SLC25A21: variants seen among roughly 807,000 people sequenced by gnomAD.
The protein encoded by SLC25A21 is mitochondrial 2-oxodicarboxylate carrier.
SLC25A21 carries 47 observed loss-of-function variants against 43.8 expected under a neutral mutation model. That is an observed-to-expected ratio of 1.07 (90% CI 0.85 to 1.37). The LOEUF is 1.37. Ranked by LOEUF, SLC25A21 falls within the 40% of genes most tolerant of loss-of-function variation. The pLI, the probability that SLC25A21 is intolerant of heterozygous loss-of-function variation, is 0.00. For missense variants in SLC25A21, 352 were observed against 350.2 expected, an observed-to-expected ratio of 1.00 and a Z score of -0.04; for synonymous variants, 131 against 121.3, an observed-to-expected ratio of 1.08 and a Z score of -0.52.
At chr14:36,768,398 T>A (rs1194252763) in intron 3 of SLC25A21, among the ~76,000 whole-genome samples, 3 of 152,162 alleles carry the variant, frequency 2.0e-5, no homozygotes, top group Non-Finnish European at 2.9e-5. Context: ...TTGAGTTTGA[T>A]TACCAATTTT....
chr14:36,976,572 C>G (rs1488777567), intron 1 of SLC25A21, among the ~76,000 whole-genome samples: 2 of 152,106 alleles, frequency 1.3e-5, no homozygotes, highest in African/African-American at 4.8e-5. Flanking sequence ...TGCAAAGTGC[C>G]TGTGCAACGT....
chr14:36,828,142 G>C (rs1448988000), intron 2 of SLC25A21, among the ~76,000 whole-genome samples: 2 of 151,148 alleles, frequency 1.3e-5, no homozygotes, highest in Admixed American at 1.3e-4. Flanking sequence ...TTCTGGAACT[G>C]GGACTGAGGC....
At chr14:36,770,567 T>C (rs1008332606) in intron 3 of SLC25A21, among the ~76,000 whole-genome samples, 17 of 152,172 alleles carry the variant, frequency 1.1e-4, no homozygotes, top group Admixed American at 5.9e-4. Flanking sequence ...CCTGCTTGGT[T>C]TACATCTATT....
chr14:36,725,730 G>T, intron 5 of SLC25A21, 53 bp from the exon 6 acceptor site: 2 of 1,181,914 alleles, frequency 1.7e-6, no homozygotes, highest in South Asian at 1.8e-5. Context: ...TGTGTATGGG[G>T]TTAAACATCC....
At chr14:37,033,697 A>G (rs1302685780) in intron 1 of SLC25A21, among the ~76,000 whole-genome samples, 1 of 152,224 alleles carries the variant, frequency 6.6e-6, no homozygotes, top group African/African-American at 2.4e-5. Context: ...ATTGATGGAT[A>G]TGAATATATT....
At chr14:36,883,025 A>T (rs1890783138) in intron 1 of SLC25A21, among the ~76,000 whole-genome samples, 1 of 152,034 alleles carries the variant, frequency 6.6e-6, no homozygotes, top group Admixed American at 6.6e-5. Flanking sequence ...CAGCAGATCA[A>T]TGGTAGCAGG....
At chr14:37,023,074 G>A (rs1301075922) in intron 1 of SLC25A21, among the ~76,000 whole-genome samples, 1 of 151,930 alleles carries the variant, frequency 6.6e-6, no homozygotes, top group Non-Finnish European at 1.5e-5. Context: ...TGATTTCTGT[G>A]ATTACCAACA....
At chr14:37,016,456 T>C (rs1270407987) in intron 1 of SLC25A21, among the ~76,000 whole-genome samples, 4 of 152,152 alleles carry the variant, frequency 2.6e-5, no homozygotes, top group African/African-American at 9.7e-5. Context: ...CCTTGTAGCA[T>C]AGTTTGAAGT....
intron 1 of SLC25A21, among the ~76,000 whole-genome samples, chr14:36,917,762 T>A (rs888595909): frequency 4.6e-5 from 7 of 152,080 alleles, no homozygotes; most frequent in African/African-American, 1.7e-4. Context: ...GAAATGATAA[T>A]GCAAATCATA....
chr14:36,794,790 T>G (rs1019803319), intron 3 of SLC25A21, among the ~76,000 whole-genome samples: 1 of 150,968 alleles, frequency 6.6e-6, no homozygotes, highest in African/African-American at 2.4e-5. Flanking sequence ...AAAATCCTAG[T>G]AAATAAGACT....
intron 2 of SLC25A21, among the ~76,000 whole-genome samples, chr14:36,830,604 A>C (rs757947770): frequency 6.6e-6 from 1 of 152,204 alleles, no homozygotes; most frequent in Non-Finnish European, 1.5e-5. Context: ...AAGTGGAAGA[A>C]AATATCTATT....
At chr14:36,778,587 G>C (rs997254348) in intron 3 of SLC25A21, among the ~76,000 whole-genome samples, 1 of 152,166 alleles carries the variant, frequency 6.6e-6, no homozygotes, top group African/African-American at 2.4e-5. Context: ...AGATGGCCTT[G>C]TCATTACCCC....
At chr14:36,736,060 C>G (rs190553762) in intron 3 of SLC25A21, among the ~76,000 whole-genome samples, 13 of 151,148 alleles carry the variant, frequency 8.6e-5, no homozygotes, top group Non-Finnish European at 1.3e-4. Context: ...CTCAGCCTCC[C>G]GAGTAGCTGG....
At chr14:37,084,658 C>T (rs1405432169) in intron 1 of SLC25A21, among the ~76,000 whole-genome samples, 1 of 152,184 alleles carries the variant, frequency 6.6e-6, no homozygotes, top group Non-Finnish European at 1.5e-5. Flanking sequence ...CCAACAGACA[C>T]AGTCATAAAT....
intron 1 of SLC25A21, among the ~76,000 whole-genome samples, chr14:37,014,643 G>A (rs1960806262): frequency 6.6e-6 from 1 of 152,004 alleles, no homozygotes; most frequent in Non-Finnish European, 1.5e-5. Flanking sequence ...GCTCTTAATG[G>A]CATTCAGAAT....
At chr14:37,032,664 C>T in intron 1 of SLC25A21, among the ~76,000 whole-genome samples, 1 of 46,740 alleles carries the variant, frequency 2.1e-5, no homozygotes, top group Non-Finnish European at 3.6e-5. Flanking sequence ...GAGTGAGACT[C>T]TGTCTCAAAA....
At chr14:37,034,830 G>A (rs1405940698) in intron 1 of SLC25A21, among the ~76,000 whole-genome samples, 4 of 152,214 alleles carry the variant, frequency 2.6e-5, no homozygotes, top group Non-Finnish European at 1.5e-5. Flanking sequence ...GGACACAGGA[G>A]GGGTGAGTTG....
At chr14:36,855,873 G>A (rs1445671428) in intron 2 of SLC25A21, among the ~76,000 whole-genome samples, 1 of 152,168 alleles carries the variant, frequency 6.6e-6, no homozygotes, top group Admixed American at 6.5e-5. Context: ...GGTGAAGGGT[G>A]GTTTTGTTTC....
chr14:36,705,217 T>C (rs1883470885), intron 7 of SLC25A21, among the ~76,000 whole-genome samples: 1 of 151,780 alleles, frequency 6.6e-6, no homozygotes, highest in Admixed American at 6.6e-5. Context: ...ATTTTTTTTT[T>C]TGTATTTTTA....
Sources: allele counts gnomAD v4.1 joint callset (sites outside exome capture counted in the v4.1 genomes callset), GRCh38; gene constraint gnomAD v4.1.1; transcripts MANE v1.5; gene names NCBI Gene and HGNC (gene_info 2026-07-23, HGNC 2026-07-21).